PCDHAC2: variants seen among roughly 807,000 people sequenced by gnomAD.
The protein encoded by PCDHAC2 is protocadherin alpha subfamily C, 2, also known as protocadherin alpha-C2.
In PCDHAC2, 24 loss-of-function variants were observed where a neutral mutation model predicts 63.3. That is an observed-to-expected ratio of 0.38 (90% CI 0.27 to 0.53). The LOEUF is 0.53. Ranked by LOEUF, PCDHAC2 falls within the 20% of genes least tolerant of loss-of-function variation. The probability of loss-of-function intolerance (pLI) is 0.81; values close to 1 mark genes in which losing one functional copy is unlikely to be tolerated. For missense variants in PCDHAC2, 1,181 were observed against 1,275.2 expected, an observed-to-expected ratio of 0.93 and a Z score of 1.12; for synonymous variants, 569 against 529.4, an observed-to-expected ratio of 1.07 and a Z score of -1.03.
intron 3 of PCDHAC2, among the ~76,000 whole-genome samples, chr5:140,992,926 A>C (rs2097533873): frequency 6.6e-6 from 1 of 152,226 alleles, no homozygotes; most frequent in African/African-American, 2.4e-5. Context: ...CCATACTTAC[A>C]GCAGCTCTGA....
chr5:140,969,069 T>C lies in PCDHAC2; in HGVS notation c.2303T>C (p.Ile768Thr). 1 of 1,614,160 alleles carries C rather than the reference T, an allele frequency of 6.2e-7. No individual in the cohort carries two copies. Among genetic ancestry groups the C allele is most frequent in the Non-Finnish European group, 8.5e-7 (1 of 1,180,022 alleles). Reference sequence around the variant, plus strand: ...GCCAACAACAATATTGATGCCAGGATACCGCATGGCCTCAAAGTGCAGCCT... The same window carrying C: ...GCCAACAACAATATTGATGCCAGGACACCGCATGGCCTCAAAGTGCAGCCT... ...KQANNNIDARIPHGLKVQPHF... is the reference protein window; with the variant it reads ...KQANNNIDARTPHGLKVQPHF... Residue 768 changes from isoleucine to threonine, a missense_variant, in exon 1 of 4, where the codon ATA (isoleucine) becomes ACA (threonine). Physicochemically the swap from Ile to Thr is moderately conservative, Grantham distance 89. Transcript: ENST00000289269.
chr5:140,993,462 T>TCACACACACACA (rs3836747), intron 3 of PCDHAC2, among the ~76,000 whole-genome samples: 55 of 141,044 alleles, frequency 3.9e-4, no homozygotes, highest in Non-Finnish European at 5.3e-4. Context: ...TCTTTCTTTC[T>TCACACACACACA]CACACACACA....
At chr5:140,983,165 T>A (rs947834633) in intron 3 of PCDHAC2, among the ~76,000 whole-genome samples, 14 of 152,220 alleles carry the variant, frequency 9.2e-5, no homozygotes, top group Admixed American at 4.6e-4. Context: ...TTGCCAAACA[T>A]GACCGCCTCA....
chr5:140,970,854 T>G (rs2096437899), intron 1 of PCDHAC2, among the ~76,000 whole-genome samples: 1 of 152,148 alleles, frequency 6.6e-6, no homozygotes, highest in Non-Finnish European at 1.5e-5. Flanking sequence ...GCACAAAAGT[T>G]CCATTCCTGA....
intron 3 of PCDHAC2, among the ~76,000 whole-genome samples, chr5:141,003,969 G>A (rs781827494): frequency 2.0e-5 from 3 of 152,158 alleles, no homozygotes; most frequent in Non-Finnish European, 4.4e-5. Flanking sequence ...GAGCATAAGG[G>A]AGGGGACTTG....
chr5:140,988,214 A>AG (rs1408259452), intron 3 of PCDHAC2, among the ~76,000 whole-genome samples: 28 of 152,200 alleles, frequency 1.8e-4, no homozygotes, highest in Non-Finnish European at 4.4e-5. Flanking sequence ...AGGAAAAAAA[A>AG]ATGAGATCAG....
chr5:140,989,925 T>G (rs2097366658), intron 3 of PCDHAC2, among the ~76,000 whole-genome samples: 1 of 151,810 alleles, frequency 6.6e-6, no homozygotes, highest in South Asian at 2.1e-4. Context: ...AGAGCAGAGA[T>G]AGATGACATT....
chr5:141,003,796 G>A (rs2098138988), intron 3 of PCDHAC2, among the ~76,000 whole-genome samples: 1 of 152,168 alleles, frequency 6.6e-6, no homozygotes, highest in Non-Finnish European at 1.5e-5. Context: ...ATCCTATTGG[G>A]TTGTAATCTG....
chr5:140,992,017 C>CTG (rs10602499), intron 3 of PCDHAC2, among the ~76,000 whole-genome samples: 19,643 of 145,468 alleles, frequency 0.14, 1,328 homozygotes, highest in East Asian at 0.18. Flanking sequence ...AGAGGTGGCT[C>CTG]TGTGTGTGTG....
chr5:141,006,689 G>A (rs1249412460), intron 3 of PCDHAC2, among the ~76,000 whole-genome samples: 2 of 152,072 alleles, frequency 1.3e-5, no homozygotes, highest in Non-Finnish European at 2.9e-5. Context: ...TGGGAGAAGA[G>A]GACAGAGTCA....
At chr5:140,981,378 A>G (rs1386165836) in intron 2 of PCDHAC2, among the ~76,000 whole-genome samples, 3 of 152,186 alleles carry the variant, frequency 2.0e-5, no homozygotes, top group Non-Finnish European at 4.4e-5. Flanking sequence ...GTTCAAGACC[A>G]GCCTGGTCAA....
In PCDHAC2 at chr5:140,968,723, GGTA is replaced by G. The variant is rs1199893104; in HGVS notation, c.1959_1961del (p.Ser654del). The G allele has an allele frequency of 9.3e-6, 15 of 1,613,990 alleles. No homozygotes were observed. Among genetic ancestry groups the G allele is most frequent in the Non-Finnish European group, 1.3e-5 (15 of 1,180,036 alleles). Reference sequence around the variant, plus strand: ...TACCAGGAAGATGGGAGATGAGAGTGGTAGCACTTTCAACCTGACCGTGGTGGT... The same window carrying G: ...TACCAGGAAGATGGGAGATGAGAGTGGCACTTTCAACCTGACCGTGGTGGT... On this transcript the variant is annotated inframe_deletion, in exon 1 of 4. Coordinates refer to ENST00000289269, the MANE Select transcript of PCDHAC2 (RefSeq NM_018899.6).
chr5:140,970,405 C>T (rs1361647284), intron 1 of PCDHAC2, among the ~76,000 whole-genome samples: 1 of 152,120 alleles, frequency 6.6e-6, no homozygotes, highest in Non-Finnish European at 1.5e-5. Flanking sequence ...GATGGCTTAC[C>T]CTACAGTAAG....
At chr5:140,986,163 G>A (rs1186387690) in intron 3 of PCDHAC2, among the ~76,000 whole-genome samples, 1 of 152,212 alleles carries the variant, frequency 6.6e-6, no homozygotes, top group African/African-American at 2.4e-5. Flanking sequence ...AATGTTTTCT[G>A]CAGGATAAAC....
At chr5:140,980,279 AAAAGTACC>A (rs1554241598) in intron 2 of PCDHAC2, among the ~76,000 whole-genome samples, 2 of 152,236 alleles carry the variant, frequency 1.3e-5, no homozygotes, top group African/African-American at 4.8e-5. Flanking sequence ...CCAACTCTTG[AAAAGTACC>A]AAAGCTATGA....
At chr5:140,987,149 G>C (rs1380803903) in intron 3 of PCDHAC2, among the ~76,000 whole-genome samples, 2 of 151,884 alleles carry the variant, frequency 1.3e-5, no homozygotes, top group African/African-American at 4.8e-5. Flanking sequence ...GGGAGGTGGA[G>C]GTTGCAGTGA....
At chr5:140,998,273 A>G (rs1448303020) in intron 3 of PCDHAC2, among the ~76,000 whole-genome samples, 1 of 152,216 alleles carries the variant, frequency 6.6e-6, no homozygotes, top group East Asian at 1.9e-4. Context: ...ACTGACACCC[A>G]TAGGATTAAA....
chr5:140,966,800 G>T lies in PCDHAC2; in HGVS notation c.34G>T (p.Glu12Ter). 6.5e-7 allele frequency: 1 copy of T among 1,540,654 alleles called. No homozygotes were observed. Among genetic ancestry groups the T allele is most frequent in the East Asian group, 2.4e-5 (1 of 41,348 alleles). Residue 12 changes from glutamate to a stop codon, truncating the protein, a stop_gained, in exon 1 of 4, where the codon GAG becomes TAG. Coordinates refer to ENST00000289269, the MANE Select transcript of PCDHAC2 (RefSeq NM_018899.6). LOFTEE classifies it high-confidence loss of function. Reference protein sequence around the residue: ...EQAGTRPAATEHPRLRRPMPW... With the variant: ...EQAGTRPAAT Reference sequence around the variant, plus strand: ...GGCGGGCACCAGACCTGCGGCGACAGAGCATCCACGGCTCCGGCGGCCCAT... The same window carrying T: ...GGCGGGCACCAGACCTGCGGCGACATAGCATCCACGGCTCCGGCGGCCCAT...
At position 140,966,700 on chromosome 5, in the gene PCDHAC2, G is replaced by T; in HGVS notation, c.-67G>T. The T allele has an allele frequency of 7.3e-7, 1 of 1,365,440 alleles. No homozygotes were observed. The highest frequency in any genetic ancestry group is 9.4e-7 in the Non-Finnish European group (1 of 1,062,638). 84.6% of individuals were successfully genotyped at this position (1,365,440 alleles called of 1,614,324 possible). A position where few individuals can be genotyped will look rare whatever the true frequency, so the allele number is the denominator to read the frequency against. ...GCACGAGCGGAGGCGGGGCCCGGGCGTGGGGCACGGCTGGGGAAGCTGCCG... is the reference window on the plus strand; with the variant it reads ...GCACGAGCGGAGGCGGGGCCCGGGCTTGGGGCACGGCTGGGGAAGCTGCCG... On this transcript the variant is annotated 5_prime_UTR_variant, in exon 1 of 4. Coordinates refer to ENST00000289269, the MANE Select transcript of PCDHAC2 (RefSeq NM_018899.6).
Sources: allele counts gnomAD v4.1 joint callset (sites outside exome capture counted in the v4.1 genomes callset), GRCh38; gene constraint gnomAD v4.1.1; transcripts MANE v1.5; gene names NCBI Gene and HGNC (gene_info 2026-07-23, HGNC 2026-07-21).